Variants in SLC35F4 observed in about 807,000 individuals in gnomAD.
The protein encoded by SLC35F4 is chromosome 14 open reading frame 36.
SLC35F4 carries 24 observed loss-of-function variants against 44.2 expected under a neutral mutation model. That is an observed-to-expected ratio of 0.54 (90% confidence interval 0.39 to 0.76). The LOEUF (loss-of-function observed/expected upper bound fraction) is 0.76, where lower values mean the gene tolerates loss of function less well. SLC35F4 is among the 30% of genes least tolerant of loss of function. SLC35F4 has a pLI of 0.00. For synonymous variants in SLC35F4, 238 were observed against 223.6 expected, an observed-to-expected ratio of 1.06 and a Z score of -0.57; for missense variants, 562 against 586.1, an observed-to-expected ratio of 0.96 and a Z score of 0.42.
At chr14:57,932,044 C>G (rs1002733254) in intron 1 of SLC35F4, among the ~76,000 whole-genome samples, 10 of 152,200 alleles carry the variant, frequency 6.6e-5, no homozygotes, top group African/African-American at 2.4e-4. Flanking sequence ...TCTGGTCCAT[C>G]TCACTGCCTT....
intron 1 of SLC35F4, among the ~76,000 whole-genome samples, chr14:57,701,601 G>A (rs532448045): frequency 1.3e-5 from 2 of 152,246 alleles, no homozygotes; most frequent in Non-Finnish European, 2.9e-5. Flanking sequence ...ATGTCACTAA[G>A]CAATAGGAAT....
chr14:57,883,983 G>A (rs1888595744), intron 1 of SLC35F4, among the ~76,000 whole-genome samples: 1 of 152,136 alleles, frequency 6.6e-6, no homozygotes, highest in African/African-American at 2.4e-5. Flanking sequence ...GAAAGGAAAC[G>A]TTTCCAGCTA....
At chr14:57,636,028 A>C (rs2073002687) in intron 1 of SLC35F4, among the ~76,000 whole-genome samples, 1 of 152,152 alleles carries the variant, frequency 6.6e-6, no homozygotes, top group Admixed American at 6.5e-5. Context: ...TTGCTGGAGT[A>C]GGTTTTGTAT....
intron 1 of SLC35F4, among the ~76,000 whole-genome samples, chr14:57,685,292 A>G (rs571681114): frequency 5.9e-5 from 9 of 152,276 alleles, no homozygotes; most frequent in African/African-American, 2.2e-4. Context: ...TAGGAAATCA[A>G]TCAGGTAAGG....
intron 1 of SLC35F4, among the ~76,000 whole-genome samples, chr14:57,887,425 A>C (rs1888672855): frequency 6.6e-6 from 1 of 152,184 alleles, no homozygotes; most frequent in Non-Finnish European, 1.5e-5. Flanking sequence ...CTCTGCAACC[A>C]TCCTACTGAA....
intron 1 of SLC35F4, among the ~76,000 whole-genome samples, chr14:57,619,313 G>A (rs1183305124): frequency 6.6e-6 from 1 of 152,144 alleles, no homozygotes; most frequent in African/African-American, 2.4e-5. Context: ...TCTGGCGGGT[G>A]CCCCTCTGGG....
At chr14:57,956,472 G>T (rs1890240270) in intron 1 of SLC35F4, among the ~76,000 whole-genome samples, 1 of 152,158 alleles carries the variant, frequency 6.6e-6, no homozygotes, top group African/African-American at 2.4e-5. Context: ...CTTCTGCACA[G>T]CAAAAGAAAC....
intron 1 of SLC35F4, among the ~76,000 whole-genome samples, chr14:57,845,511 T>C (rs1885936101): frequency 6.6e-6 from 1 of 152,222 alleles, no homozygotes; most frequent in Non-Finnish European, 1.5e-5. Context: ...GCCTCAAACA[T>C]TACTCTGCAA....
At chr14:57,803,204 C>T (rs934200112) in intron 1 of SLC35F4, among the ~76,000 whole-genome samples, 5 of 152,014 alleles carry the variant, frequency 3.3e-5, no homozygotes, top group African/African-American at 1.2e-4. Context: ...AGGCAAAAAC[C>T]ACACGATTAT....
At chr14:57,672,113 T>C (rs761930769) in intron 1 of SLC35F4, among the ~76,000 whole-genome samples, 4 of 152,102 alleles carry the variant, frequency 2.6e-5, no homozygotes, top group Non-Finnish European at 2.9e-5. Context: ...TGATTTACTT[T>C]ACCCATAGAA....
intron 1 of SLC35F4, among the ~76,000 whole-genome samples, chr14:57,896,598 C>G (rs1043775816): frequency 6.6e-6 from 1 of 152,046 alleles, no homozygotes; most frequent in Non-Finnish European, 1.5e-5. Flanking sequence ...TCTGTAAGCT[C>G]TTTATCTTAT....
At chr14:57,661,369 C>T (rs2074131738) in intron 1 of SLC35F4, among the ~76,000 whole-genome samples, 1 of 152,138 alleles carries the variant, frequency 6.6e-6, no homozygotes, top group Admixed American at 6.6e-5. Context: ...TTCCTCATGC[C>T]TGACGGATCA....
At chr14:57,784,277 AAGGGTC>A (rs2077702252) in intron 1 of SLC35F4, among the ~76,000 whole-genome samples, 2 of 152,214 alleles carry the variant, frequency 1.3e-5, no homozygotes, top group South Asian at 4.1e-4. Flanking sequence ...AATCTGGCTA[AAGGGTC>A]CCAATTATTC....
chr14:57,885,371 T>G (rs58354722), intron 1 of SLC35F4, among the ~76,000 whole-genome samples: 17,941 of 152,220 alleles, frequency 0.12, 1,837 homozygotes, highest in African/African-American at 0.27. Flanking sequence ...TAGAACAGTG[T>G]CTGGCACAGA....
At chr14:57,629,805 G>A (rs887690136) in intron 1 of SLC35F4, 23 of 326,306 alleles carry the variant, frequency 7.0e-5, no homozygotes, top group East Asian at 4.5e-4. Flanking sequence ...ACAACTGCAT[G>A]ACTGTAGACG....
At chr14:57,736,043 C>A (rs2076456472) in intron 1 of SLC35F4, among the ~76,000 whole-genome samples, 1 of 152,038 alleles carries the variant, frequency 6.6e-6, no homozygotes, top group Non-Finnish European at 1.5e-5. Flanking sequence ...GGAGAAGTGG[C>A]AGTCACAATA....
intron 1 of SLC35F4, among the ~76,000 whole-genome samples, chr14:57,727,879 G>A (rs1183605028): frequency 6.6e-6 from 1 of 152,190 alleles, no homozygotes; most frequent in African/African-American, 2.4e-5. Context: ...GAAATGTTCT[G>A]TAAATATCTA....
chr14:57,946,274 C>T (rs980832146), intron 1 of SLC35F4, among the ~76,000 whole-genome samples: 1 of 151,980 alleles, frequency 6.6e-6, no homozygotes, highest in African/African-American at 2.4e-5. Context: ...AGATGTATGC[C>T]TTTGATCCAT....
chr14:57,710,124 C>T (rs1286058329), intron 1 of SLC35F4, among the ~76,000 whole-genome samples: 4 of 152,210 alleles, frequency 2.6e-5, no homozygotes, highest in African/African-American at 9.6e-5. Flanking sequence ...TGGGCTGGGA[C>T]TCCTGCTCTG....
Sources: allele counts gnomAD v4.1 joint callset (sites outside exome capture counted in the v4.1 genomes callset), GRCh38; gene constraint gnomAD v4.1.1; transcripts MANE v1.5; gene names NCBI Gene and HGNC (gene_info 2026-07-23, HGNC 2026-07-21).